Variants in ACTR3C observed in about 807,000 individuals in gnomAD.
The protein encoded by ACTR3C is actin related protein 3C.
A neutral mutation model predicts 26.3 loss-of-function variants in ACTR3C; 18 were observed. The observed-to-expected ratio is 0.68, with a 90% CI of 0.47 to 1.01. The LOEUF (loss-of-function observed/expected upper bound fraction) is 1.01. ACTR3C is among the 50% of genes least tolerant of loss of function. The probability of loss-of-function intolerance (pLI) is 0.00; values close to 1 mark genes in which losing one functional copy is unlikely to be tolerated. For synonymous variants in ACTR3C, 55 were observed against 94.5 expected, an observed-to-expected ratio of 0.58 and a Z score of 2.42; for missense variants, 184 against 250.7, an observed-to-expected ratio of 0.73 and a Z score of 1.80.
At chr7:150,147,696 G>A in the ACTR3C span, among the ~76,000 whole-genome samples, 1 of 152,068 alleles carries the variant, frequency 6.6e-6, no homozygotes, top group Admixed American at 6.5e-5. Context: ...CTGTGGGTCA[G>A]GCAGCAGTCA....
At chr7:150,125,527 G>A in the ACTR3C span, among the ~76,000 whole-genome samples, 3 of 151,970 alleles carry the variant, frequency 2.0e-5, no homozygotes, top group East Asian at 1.9e-4. Context: ...TACACCTAGG[G>A]GTGGTTTCAC....
At chr7:150,032,677 G>A in the ACTR3C span, among the ~76,000 whole-genome samples, 1 of 139,964 alleles carries the variant, frequency 7.1e-6, no homozygotes, top group African/African-American at 2.5e-5. Context: ...AGAGTTTTGG[G>A]AATATCATGT....
At chr7:150,247,787 CT>C (rs1832548482) in intron 7 of ACTR3C, 1 of 147,474 alleles carries the variant, frequency 6.8e-6, no homozygotes, top group South Asian at 2.2e-4. Context: ...TGAGTGAGCT[CT>C]GAGTTCACAA....
the ACTR3C span, among the ~76,000 whole-genome samples, chr7:150,030,024 G>T: frequency 3.0e-5 from 4 of 135,272 alleles, no homozygotes; most frequent in African/African-American, 1.1e-4. Context: ...GCTCCCATGG[G>T]CTCCTTTGCA....
intron 6 of ACTR3C, among the ~76,000 whole-genome samples, chr7:150,281,514 C>A (rs190116163): frequency 2.6e-5 from 4 of 151,282 alleles, no homozygotes; most frequent in African/African-American, 9.8e-5. Flanking sequence ...AGCGAGAGTC[C>A]GTCTGGGAGG....
the ACTR3C span, among the ~76,000 whole-genome samples, chr7:149,986,876 A>G: frequency 0.24 from 33,014 of 139,414 alleles, 3,942 homozygotes; most frequent in South Asian, 0.29. Context: ...CTAGCAACCA[A>G]TATTTAGGTA....
chr7:150,314,401 C>T (rs1203241639), intron 1 of ACTR3C, among the ~76,000 whole-genome samples: 1 of 151,988 alleles, frequency 6.6e-6, no homozygotes, highest in Non-Finnish European at 1.5e-5. Context: ...AGAACACTGG[C>T]TTATAGAAGA....
chr7:150,226,982 A>G, the ACTR3C span, among the ~76,000 whole-genome samples: 14,252 of 136,980 alleles, frequency 0.1, 1,323 homozygotes, highest in African/African-American at 0.24. Context: ...CTTATCTTTC[A>G]ATTCTTCCCC....
At chr7:149,984,472 GGGATTAA>G in the ACTR3C span, among the ~76,000 whole-genome samples, 1 of 151,296 alleles carries the variant, frequency 6.6e-6, no homozygotes, top group African/African-American at 2.5e-5. Context: ...CCAAAATACT[GGGATTAA>G]AGGTGTGAGC....
chr7:149,895,977 T>G, the ACTR3C span, among the ~76,000 whole-genome samples: 1 of 147,130 alleles, frequency 6.8e-6, no homozygotes, highest in African/African-American at 2.5e-5. Context: ...ACAGGCAGAT[T>G]GCTTAAGTCT....
intron 1 of ACTR3C, among the ~76,000 whole-genome samples, chr7:150,297,954 G>A (rs1584959695): frequency 6.6e-6 from 1 of 151,228 alleles, no homozygotes; most frequent in Non-Finnish European, 1.5e-5. Flanking sequence ...GTTGAGCAGT[G>A]CACAAGGAAA....
the ACTR3C span, among the ~76,000 whole-genome samples, chr7:150,038,329 G>T: frequency 2.1e-5 from 3 of 143,906 alleles, no homozygotes; most frequent in East Asian, 3.9e-4. Context: ...TGGGTTAAAA[G>T]TCCAGCTGCC....
chr7:149,919,329 C>T, the ACTR3C span, among the ~76,000 whole-genome samples: 189 of 151,804 alleles, frequency 1.2e-3, no homozygotes, highest in Middle Eastern at 3.4e-3. Context: ...CAACTGCCAC[C>T]TCCCGGGTTC....
chr7:150,036,111 C>G, the ACTR3C span, among the ~76,000 whole-genome samples: 7 of 131,808 alleles, frequency 5.3e-5, 1 homozygote, highest in Admixed American at 2.2e-4. Flanking sequence ...TGCAAAGAGC[C>G]AGGGGGGGAA....
chr7:150,275,450 C>T (rs1469019692), intron 6 of ACTR3C, among the ~76,000 whole-genome samples: 1 of 152,250 alleles, frequency 6.6e-6, no homozygotes, highest in African/African-American at 2.4e-5. Flanking sequence ...GTGGCTCACA[C>T]TTGTAATCCC....
At chr7:149,938,692 A>G in the ACTR3C span, among the ~76,000 whole-genome samples, 3 of 152,072 alleles carry the variant, frequency 2.0e-5, no homozygotes, top group Non-Finnish European at 2.9e-5. Flanking sequence ...CAAGATCTGA[A>G]AGCTCTAGGT....
the ACTR3C span, among the ~76,000 whole-genome samples, chr7:150,183,199 A>C: frequency 6.6e-6 from 1 of 150,496 alleles, no homozygotes. Flanking sequence ...TTTAAATTCC[A>C]AGCTAAATGG....
chr7:150,042,350 T>C, the ACTR3C span, among the ~76,000 whole-genome samples: 5 of 114,902 alleles, frequency 4.4e-5, no homozygotes, highest in Non-Finnish European at 7.2e-5. Flanking sequence ...GGGGGGTGCC[T>C]CCGCCCCCAG....
the ACTR3C span, among the ~76,000 whole-genome samples, chr7:150,154,911 C>A: frequency 6.6e-6 from 1 of 152,142 alleles, no homozygotes; most frequent in Admixed American, 6.5e-5. Context: ...CTACAACAAC[C>A]TATTTACATT....
Sources: gnomAD v4.1 joint callset for allele counts (sites outside exome capture counted in the v4.1 genomes callset) on GRCh38, gnomAD v4.1.1 for gene constraint, MANE v1.5 for transcripts, NCBI Gene and HGNC (gene_info 2026-07-23, HGNC 2026-07-21) for gene names.